Variants in FGF14 observed in about 807,000 individuals in gnomAD.
FGF14 encodes fibroblast growth factor homologous factor 4.
A neutral mutation model predicts 25.5 loss-of-function variants in FGF14; 5 were observed. That is an observed-to-expected ratio of 0.20 (90% CI 0.10 to 0.41). The LOEUF is 0.41. Ranked by LOEUF, FGF14 falls within the 10% of genes least tolerant of loss-of-function variation. FGF14 has a pLI of 1.00. For missense variants in FGF14, 222 were observed against 320.1 expected (o/e 0.69, Z 2.34); for synonymous variants, 138 against 118.3 (o/e 1.17, Z -1.08).
chr13:102,396,830 G>A (rs1333203151), intron 1 of FGF14, among the ~76,000 whole-genome samples: 3 of 152,266 alleles, frequency 2.0e-5, no homozygotes, highest in Non-Finnish European at 2.9e-5. Context: ...GCAGTACTCC[G>A]AAGCCTACCT....
intron 1 of FGF14, among the ~76,000 whole-genome samples, chr13:102,128,762 T>G (rs1380006067): frequency 2.0e-5 from 3 of 152,300 alleles, no homozygotes; most frequent in African/African-American, 7.2e-5. Context: ...ATAGGCAGGC[T>G]TTTCAGTAAT....
intron 1 of FGF14, among the ~76,000 whole-genome samples, chr13:101,975,626 T>G (rs2390646): frequency 0.35 from 53,587 of 151,856 alleles, 9,968 homozygotes; most frequent in East Asian, 0.71. Context: ...ATCAAAAATA[T>G]TTGTATTGAC....
chr13:101,862,544 A>C (rs1262743083), intron 3 of FGF14, among the ~76,000 whole-genome samples: 1 of 152,160 alleles, frequency 6.6e-6, no homozygotes, highest in African/African-American at 2.4e-5. Context: ...ATGATTTATA[A>C]CTAGTTAAAT....
At chr13:101,920,241 C>T (rs1413630452), upstream of FGF14, among the ~76,000 whole-genome samples, 3 of 152,156 alleles carry the variant, frequency 2.0e-5, no homozygotes, top group Non-Finnish European at 4.4e-5. Flanking sequence ...CTCATCAGAA[C>T]CTCCTTGGAG....
At chr13:102,190,186 C>G (rs1234262138) in intron 1 of FGF14, among the ~76,000 whole-genome samples, 1 of 152,208 alleles carries the variant, frequency 6.6e-6, no homozygotes, top group African/African-American at 2.4e-5. Flanking sequence ...GCAACCTTCC[C>G]TCATACCTCC....
At chr13:102,005,696 TA>T (rs1446622981) in intron 1 of FGF14, among the ~76,000 whole-genome samples, 5 of 152,178 alleles carry the variant, frequency 3.3e-5, no homozygotes, top group African/African-American at 1.2e-4. Flanking sequence ...ATTAATCTTA[TA>T]AAACTAGCTA....
chr13:101,734,755 A>G (rs1213626215), intron 3 of FGF14, among the ~76,000 whole-genome samples: 1 of 152,134 alleles, frequency 6.6e-6, no homozygotes, highest in African/African-American at 2.4e-5. Flanking sequence ...GGATGACACT[A>G]TTATTATCCC....
At chr13:102,383,483 A>G (rs151197312) in intron 1 of FGF14, among the ~76,000 whole-genome samples, 311 of 152,308 alleles carry the variant, frequency 2.0e-3, no homozygotes, top group African/African-American at 7.2e-3. Context: ...TATCTTTTCA[A>G]CTTAAAAATG....
intron 1 of FGF14, among the ~76,000 whole-genome samples, chr13:102,164,006 T>G (rs1315367431): frequency 6.6e-6 from 1 of 152,168 alleles, no homozygotes; most frequent in Non-Finnish European, 1.5e-5. Context: ...ATGTCCTTCA[T>G]GCAGGAAGAC....
chr13:102,394,884 AG>A (rs1163205721), intron 1 of FGF14: 3 of 152,358 alleles, frequency 2.0e-5, no homozygotes, highest in African/African-American at 7.2e-5. Context: ...GCGGCTTTGC[AG>A]AAAACAAATA....
At chr13:101,737,057 T>TTA (rs1250896916) in intron 3 of FGF14, among the ~76,000 whole-genome samples, 1 of 148,930 alleles carries the variant, frequency 6.7e-6, no homozygotes, top group African/African-American at 2.4e-5. Context: ...GCCTTATGTT[T>TTA]TATAAGCATT....
intron 1 of FGF14, among the ~76,000 whole-genome samples, chr13:102,172,618 T>A (rs2048295973): frequency 6.6e-6 from 1 of 152,138 alleles, no homozygotes; most frequent in African/African-American, 2.4e-5. Flanking sequence ...CTTAAGAATG[T>A]GACTGTGATC....
At chr13:102,279,197 T>C (rs2053703044) in intron 1 of FGF14, among the ~76,000 whole-genome samples, 1 of 152,184 alleles carries the variant, frequency 6.6e-6, no homozygotes, top group Non-Finnish European at 1.5e-5. Context: ...TTTGTATAGA[T>C]AGATAGATAA....
At chr13:102,185,071 T>C (rs2048825881) in intron 1 of FGF14, among the ~76,000 whole-genome samples, 1 of 152,138 alleles carries the variant, frequency 6.6e-6, no homozygotes, top group African/African-American at 2.4e-5. Context: ...GCATATGTTC[T>C]CAGGTAAATT....
chr13:102,257,510 C>T (rs771462880), intron 1 of FGF14, among the ~76,000 whole-genome samples: 2 of 151,554 alleles, frequency 1.3e-5, no homozygotes, highest in Middle Eastern at 3.2e-3. Flanking sequence ...CATCACAACG[C>T]CCAGCTAATT....
At chr13:101,895,502 AT>A (rs1159068319) in intron 1 of FGF14, among the ~76,000 whole-genome samples, 2 of 152,292 alleles carry the variant, frequency 1.3e-5, no homozygotes, top group African/African-American at 4.8e-5. Context: ...CTAGACATGA[AT>A]GTAACATGTT....
At chr13:101,951,585 A>G (rs1317951264) in intron 1 of FGF14, among the ~76,000 whole-genome samples, 1 of 152,168 alleles carries the variant, frequency 6.6e-6, no homozygotes, top group Non-Finnish European at 1.5e-5. Flanking sequence ...TGTTTCTTTA[A>G]AAGGGATGAA....
chr13:102,118,349 A>C (rs1413651123), intron 1 of FGF14, among the ~76,000 whole-genome samples: 1 of 151,300 alleles, frequency 6.6e-6, no homozygotes, highest in African/African-American at 2.4e-5. Context: ...TATAATATTA[A>C]ATATTAAATT....
chr13:101,935,837 C>G (rs1179867674), intron 1 of FGF14, among the ~76,000 whole-genome samples: 1 of 152,170 alleles, frequency 6.6e-6, no homozygotes, highest in Non-Finnish European at 1.5e-5. Context: ...CACAGAGCTT[C>G]TAAGTTGTCA....
Sources: allele counts gnomAD v4.1 joint callset (sites outside exome capture counted in the v4.1 genomes callset), GRCh38; gene constraint gnomAD v4.1.1; transcripts MANE v1.5; gene names NCBI Gene and HGNC (gene_info 2026-07-23, HGNC 2026-07-21).